DAPK1: variants seen among roughly 807,000 people sequenced by gnomAD.
DAPK1 encodes the protein death associated protein kinase 1.
Under a neutral mutation model 144.9 loss-of-function variants are expected in DAPK1, and 56 were observed. The observed-to-expected ratio is 0.39, with a 90% CI of 0.31 to 0.48. The LOEUF is 0.48. Among genes scored for constraint, DAPK1 ranks in the 20% least tolerant of loss-of-function variants. The pLI, the probability that DAPK1 is intolerant of heterozygous loss-of-function variation, is 0.95. For synonymous variants in DAPK1, 690 were observed against 749.0 expected, an observed-to-expected ratio of 0.92 and a Z score of 1.29; for missense variants, 1,454 against 1,875.4, an observed-to-expected ratio of 0.78 and a Z score of 4.15.
At chr9:87,678,771 G>A (rs1005094395) in intron 19 of DAPK1, among the ~76,000 whole-genome samples, 3 of 152,144 alleles carry the variant, frequency 2.0e-5, no homozygotes, top group African/African-American at 4.8e-5. Context: ...TTGTTACAGG[G>A]TGTCTGGACA....
chr9:87,608,346 G>A (rs1293083940), intron 3 of DAPK1, among the ~76,000 whole-genome samples: 5 of 152,326 alleles, frequency 3.3e-5, no homozygotes, highest in East Asian at 1.9e-4. Flanking sequence ...TTACTGAGTA[G>A]TATTTCATTG....
At chr9:87,639,902 C>G in intron 7 of DAPK1, 87 bp downstream of exon 7, 1 of 1,408,880 alleles carries the variant, frequency 7.1e-7, no homozygotes, top group Non-Finnish European at 9.9e-7. Context: ...GTGTTGATCT[C>G]TTCAGCTTAT....
At chr9:87,612,238 C>G (rs750692264) in intron 3 of DAPK1, among the ~76,000 whole-genome samples, 1 of 152,168 alleles carries the variant, frequency 6.6e-6, no homozygotes, top group African/African-American at 2.4e-5. Context: ...ACATTCAAAC[C>G]GTAGCACCAT....
chr9:87,646,602 T>G (rs1209415185), intron 13 of DAPK1, 43 bp downstream of exon 13: 26 of 1,502,586 alleles, frequency 1.7e-5, no homozygotes, highest in Non-Finnish European at 2.3e-5. Flanking sequence ...TTAAAGTATT[T>G]TCAAGTGTCT....
At chr9:87,655,011 T>C (rs774326472) in intron 17 of DAPK1, among the ~76,000 whole-genome samples, 9 of 152,246 alleles carry the variant, frequency 5.9e-5, no homozygotes, top group Non-Finnish European at 1.3e-4. Context: ...GCTGCAAATA[T>C]CTATAAGTAA....
intron 2 of DAPK1, among the ~76,000 whole-genome samples, chr9:87,538,024 T>A (rs1490619326): frequency 1.3e-5 from 2 of 152,246 alleles, no homozygotes; most frequent in East Asian, 3.8e-4. Context: ...GCTTGAAGAC[T>A]TCAGTATCTT....
At chr9:87,673,439 A>G (rs1270397700) in intron 19 of DAPK1, among the ~76,000 whole-genome samples, 1 of 152,212 alleles carries the variant, frequency 6.6e-6, no homozygotes, top group Admixed American at 6.5e-5. Context: ...TAGGGAAGCA[A>G]TGGGATTTGG....
chr9:87,660,837 TA>T (rs1343518046), intron 18 of DAPK1, among the ~76,000 whole-genome samples: 1 of 152,220 alleles, frequency 6.6e-6, no homozygotes, highest in African/African-American at 2.4e-5. Flanking sequence ...CTTTATTTTT[TA>T]TTTTTTTGTT....
intron 25 of DAPK1, among the ~76,000 whole-genome samples, chr9:87,704,526 TCCCCAGTGG>T (rs1392835528): frequency 6.6e-6 from 1 of 152,192 alleles, no homozygotes; most frequent in Non-Finnish European, 1.5e-5. Context: ...TCTTCAGAAC[TCCCCAGTGG>T]CCCTTCTGAC....
chr9:87,656,217 A>T (rs1830621875), intron 17 of DAPK1, among the ~76,000 whole-genome samples: 1 of 152,146 alleles, frequency 6.6e-6, no homozygotes, highest in Non-Finnish European at 1.5e-5. Context: ...TGTCGCTGAC[A>T]CACGGCGGGT....
chr9:87,530,437 C>T (rs1241896655), intron 2 of DAPK1, among the ~76,000 whole-genome samples: 3 of 152,192 alleles, frequency 2.0e-5, no homozygotes, highest in African/African-American at 4.8e-5. Context: ...ATATTAAGCA[C>T]ATTAACAACC....
At chr9:87,603,108 G>A (rs2118949832) in intron 2 of DAPK1, among the ~76,000 whole-genome samples, 1 of 152,176 alleles carries the variant, frequency 6.6e-6, no homozygotes, top group Non-Finnish European at 1.5e-5. Context: ...GGCTGGGCTG[G>A]GCCTCCCTAT....
At chr9:87,535,681 A>G (rs912227892) in intron 2 of DAPK1, among the ~76,000 whole-genome samples, 4 of 152,184 alleles carry the variant, frequency 2.6e-5, no homozygotes, top group Admixed American at 1.3e-4. Flanking sequence ...GATCTCTTAG[A>G]TTATGGTGAT....
intron 2 of DAPK1, chr9:87,525,336 G>A (rs1267207880): frequency 2.2e-5 from 35 of 1,610,848 alleles, no homozygotes; most frequent in Admixed American, 6.7e-5. Context: ...AGCCACCCGC[G>A]AAAATTCGGC....
At position 87,706,423 on chromosome 9, in the gene DAPK1, G is replaced by T; in HGVS notation, c.3352G>T (p.Asp1118Tyr). The T allele has an allele frequency of 1.2e-6, 2 of 1,613,494 alleles. No homozygotes were observed. Among genetic ancestry groups the T allele is most frequent in the Non-Finnish European group, 1.7e-6 (2 of 1,179,622 alleles). Reference sequence around the variant, plus strand: ...AGACAACCTGCACCGCTCCTGGGCTGATGAGGAGGACGAGGTGATGGTGTA... The same window carrying T: ...AGACAACCTGCACCGCTCCTGGGCTTATGAGGAGGACGAGGTGATGGTGTA... ...KTDNLHRSWADEEDEVMVYGG... is the reference protein window; with the variant it reads ...KTDNLHRSWAYEEDEVMVYGG... Residue 1118 changes from aspartate to tyrosine, a missense_variant, in exon 26 of 26, where the codon GAT becomes TAT. Asp to Tyr is a radical substitution (Grantham distance 160). Around this residue, in one of 2 missense-constraint regions of DAPK1, gnomAD observed 1,025 missense variants for 1,237.9 expected, o/e 0.83. Coordinates refer to ENST00000408954, the MANE Select transcript of DAPK1 (RefSeq NM_004938.4). The surrounding 1 kb of genome is among the most constrained non-coding windows in gnomAD (Gnocchi z 9.0).
intron 24 of DAPK1, 127 bp from the exon 25 acceptor site, chr9:87,702,902 A>C: frequency 7.9e-6 from 5 of 630,558 alleles, no homozygotes; most frequent in Non-Finnish European, 1.2e-5. Context: ...AACAACAACA[A>C]AAAAACCCAC....
chr9:87,654,562 G>T (rs148056008), intron 17 of DAPK1, among the ~76,000 whole-genome samples: 190 of 152,330 alleles, frequency 1.2e-3, no homozygotes, highest in African/African-American at 4.2e-3. Context: ...GCTGCTGGTT[G>T]CTTTCTTAGT....
intron 19 of DAPK1, among the ~76,000 whole-genome samples, chr9:87,670,783 G>C (rs1007622471): frequency 6.6e-6 from 1 of 152,160 alleles, no homozygotes; most frequent in African/African-American, 2.4e-5. Flanking sequence ...GGGCCAGGGG[G>C]ACCTGCAGTC....
chr9:87,671,554 G>T (rs1421702222), intron 19 of DAPK1, among the ~76,000 whole-genome samples: 1 of 151,218 alleles, frequency 6.6e-6, no homozygotes, highest in Non-Finnish European at 1.5e-5. Flanking sequence ...AGGCTGGAGT[G>T]CAGTGGCATA....
Sources: allele counts gnomAD v4.1 joint callset (sites outside exome capture counted in the v4.1 genomes callset), GRCh38; gene constraint gnomAD v4.1.1; regional missense constraint gnomAD v4.1.1; non-coding constraint Gnocchi (gnomAD v3.1); transcripts MANE v1.5; gene names NCBI Gene and HGNC (gene_info 2026-07-23, HGNC 2026-07-21).